Variants in PALM2AKAP2 observed in about 807,000 individuals in gnomAD.
The protein encoded by PALM2AKAP2 is PALM2-AKAP2 fusion protein.
In PALM2AKAP2, 37 loss-of-function variants were observed where a neutral mutation model predicts 71.5. That is an observed-to-expected ratio of 0.52 (90% confidence interval 0.40 to 0.68). The LOEUF (loss-of-function observed/expected upper bound fraction) is 0.68, where lower values mean the gene tolerates loss of function less well. Among genes scored for constraint, PALM2AKAP2 ranks in the 30% least tolerant of loss-of-function variants. The pLI is 0.00. For missense variants in PALM2AKAP2, 1,224 were observed against 1,191.8 expected (o/e 1.03, Z -0.40); for synonymous variants, 468 against 478.8 (o/e 0.98, Z 0.29).
At chr9:109,863,230 C>T (rs888681007) in intron 1 of PALM2AKAP2, among the ~76,000 whole-genome samples, 27 of 152,090 alleles carry the variant, frequency 1.8e-4, no homozygotes, top group African/African-American at 6.0e-4. Flanking sequence ...TCTCCATGTC[C>T]AGGTAGGAGA....
intron 3 of PALM2AKAP2, among the ~76,000 whole-genome samples, chr9:109,897,851 A>G (rs1830238534): frequency 6.6e-6 from 1 of 152,326 alleles, no homozygotes; most frequent in African/African-American, 2.4e-5. Context: ...TTTGTGTCTC[A>G]TATTGTTCAT....
At chr9:109,658,785 T>C (rs552753979) in intron 1 of PALM2AKAP2, among the ~76,000 whole-genome samples, 1 of 152,278 alleles carries the variant, frequency 6.6e-6, no homozygotes, top group East Asian at 1.9e-4. Context: ...GGTTGCTAGA[T>C]ACATGATGAA....
chr9:109,878,982 C>T (rs12552188), intron 2 of PALM2AKAP2, among the ~76,000 whole-genome samples: 4,362 of 152,324 alleles, frequency 0.029, 89 homozygotes, highest in East Asian at 0.069. Context: ...GGTGATACGC[C>T]TGCCTTGGCC....
chr9:109,687,376 C>T (rs969372337), intron 1 of PALM2AKAP2, among the ~76,000 whole-genome samples: 38 of 152,314 alleles, frequency 2.5e-4, no homozygotes, highest in African/African-American at 8.7e-4. Context: ...TTTAGTGAAG[C>T]CACCTTCATT....
intron 1 of PALM2AKAP2, among the ~76,000 whole-genome samples, chr9:109,851,466 A>G (rs1276027876): frequency 7.2e-5 from 11 of 152,214 alleles, no homozygotes; most frequent in African/African-American, 7.2e-5. Context: ...CACCACTTAC[A>G]TGGTATTAAT....
chr9:109,859,082 A>G (rs1295582013), intron 1 of PALM2AKAP2, among the ~76,000 whole-genome samples: 1 of 152,172 alleles, frequency 6.6e-6, no homozygotes. Flanking sequence ...TAATGATAAT[A>G]TTGCATCTAA....
intron 2 of PALM2AKAP2, among the ~76,000 whole-genome samples, chr9:110,143,020 C>A (rs769162559): frequency 6.6e-6 from 1 of 152,142 alleles, no homozygotes; most frequent in Non-Finnish European, 1.5e-5. Flanking sequence ...TGAGCACTTC[C>A]GAAGGCAGGC....
At chr9:109,857,482 T>A (rs1324934587) in intron 1 of PALM2AKAP2, among the ~76,000 whole-genome samples, 1 of 152,182 alleles carries the variant, frequency 6.6e-6, no homozygotes, top group East Asian at 1.9e-4. Flanking sequence ...GCCTCCTTTT[T>A]TGGAGATTGG....
At chr9:109,928,230 A>C (rs1831000724) in intron 5 of PALM2AKAP2, among the ~76,000 whole-genome samples, 1 of 152,068 alleles carries the variant, frequency 6.6e-6, no homozygotes. Context: ...AGCCCCCCGA[A>C]TAGCTGGGAT....
intron 3 of PALM2AKAP2, among the ~76,000 whole-genome samples, chr9:109,888,313 G>A (rs906532765): frequency 3.9e-5 from 6 of 152,102 alleles, no homozygotes; most frequent in African/African-American, 1.2e-4. Context: ...AAGTGTCCTC[G>A]CCTGTACATT....
intron 1 of PALM2AKAP2, among the ~76,000 whole-genome samples, chr9:109,697,653 C>T (rs1827992181): frequency 6.6e-6 from 1 of 152,086 alleles, no homozygotes; most frequent in African/African-American, 2.4e-5. Context: ...AAAAAATTAG[C>T]ATGTCAGTAC....
chr9:110,029,760 C>T (rs1473067884), intron 7 of PALM2AKAP2, among the ~76,000 whole-genome samples: 4 of 152,180 alleles, frequency 2.6e-5, no homozygotes, highest in East Asian at 1.9e-4. Context: ...GTCTTTAGTG[C>T]GACTGGAAGG....
intron 1 of PALM2AKAP2, among the ~76,000 whole-genome samples, chr9:109,754,380 C>T (rs1828927737): frequency 6.6e-6 from 1 of 152,136 alleles, no homozygotes; most frequent in Non-Finnish European, 1.5e-5. Flanking sequence ...TCAACTTCTT[C>T]ATTCTCTCTT....
At chr9:110,168,062 A>G (rs1042183539) in intron 3 of PALM2AKAP2, among the ~76,000 whole-genome samples, 7 of 152,242 alleles carry the variant, frequency 4.6e-5, no homozygotes, top group African/African-American at 1.4e-4. Flanking sequence ...TCAATTGGAC[A>G]GCACTGATCT....
At chr9:109,851,754 A>G (rs1297352649) in intron 1 of PALM2AKAP2, among the ~76,000 whole-genome samples, 1 of 152,206 alleles carries the variant, frequency 6.6e-6, no homozygotes, top group East Asian at 1.9e-4. Context: ...CTTCTGACTC[A>G]CTTCTAAGTG....
intron 1 of PALM2AKAP2, among the ~76,000 whole-genome samples, chr9:109,716,243 A>G (rs1365717346): frequency 6.6e-6 from 1 of 152,144 alleles, no homozygotes; most frequent in East Asian, 1.9e-4. Context: ...ATCTCTTCCT[A>G]TATTTATAAT....
At chr9:109,724,384 C>A (rs911806360) in intron 1 of PALM2AKAP2, among the ~76,000 whole-genome samples, 4 of 152,014 alleles carry the variant, frequency 2.6e-5, no homozygotes, top group African/African-American at 9.7e-5. Context: ...TGACGAATAG[C>A]TTTTAAAATT....
chr9:110,097,490 G>A (rs538152316), intron 1 of PALM2AKAP2, among the ~76,000 whole-genome samples: 1 of 152,184 alleles, frequency 6.6e-6, no homozygotes, highest in South Asian at 2.1e-4. Context: ...ACGGGGTGGT[G>A]GCCGGGCAGA....
intron 1 of PALM2AKAP2, among the ~76,000 whole-genome samples, chr9:109,733,758 C>T (rs374740538): frequency 3.3e-5 from 5 of 152,248 alleles, no homozygotes; most frequent in African/African-American, 1.2e-4. Context: ...TGAAAATCAT[C>T]AGGGATTCTT....
Sources: allele counts gnomAD v4.1 joint callset (sites outside exome capture counted in the v4.1 genomes callset), GRCh38; gene constraint gnomAD v4.1.1; transcripts MANE v1.5; gene names NCBI Gene and HGNC (gene_info 2026-07-23, HGNC 2026-07-21).